IL10RA: variants seen among roughly 807,000 people sequenced by gnomAD.
IL10RA encodes interleukin-10 receptor subunit alpha.
A neutral mutation model predicts 29.6 loss-of-function variants in IL10RA; 18 were observed. That is an observed-to-expected ratio of 0.61 (90% confidence interval 0.42 to 0.90). The LOEUF (loss-of-function observed/expected upper bound fraction) is 0.90. Among genes scored for constraint, IL10RA ranks in the 40% least tolerant of loss-of-function variants. The pLI, the probability that IL10RA is intolerant of heterozygous loss-of-function variation, is 0.00. For missense variants in IL10RA, 634 were observed against 716.6 expected, an observed-to-expected ratio of 0.88 and a Z score of 1.32; for synonymous variants, 292 against 294.1, an observed-to-expected ratio of 0.99 and a Z score of 0.07.
Position 117,994,054 on chromosome 11 carries a change from T to A in IL10RA, c.593T>A (p.Val198Glu). The stretch of plus-strand genomic sequence containing the variant: ...TTCAGCCTCCTAACCTCTGGAGAAG[T>A]GGGAGAGTTCTGTGTCCAGGTGAAA... ...ENFSLLTSGE[V>E]GEFCVQVKPS... Residue 198 changes from valine to glutamate, a missense_variant, in exon 5 of 7, where the codon GTG becomes GAG. Physicochemically the swap from Val to Glu is moderately radical, Grantham distance 121. Transcript: ENST00000227752. The A allele has an allele frequency of 6.2e-7, 1 of 1,613,992 alleles. No homozygotes were observed. The highest frequency in any genetic ancestry group is 1.3e-5 in the African/African-American group (1 of 75,040).
chr11:117,988,250 C>T, intron 1 of IL10RA, 132 bp from the exon 2 acceptor site: 1 of 1,077,954 alleles, frequency 9.3e-7, no homozygotes, highest in Admixed American at 1.7e-5. Flanking sequence ...TGTGCCCACT[C>T]TGCCCCTTAC....
In IL10RA at chr11:117,993,399, G is replaced by A; in HGVS notation, c.526G>A (p.Gly176Arg). The A allele has an allele frequency of 6.2e-7, 1 of 1,614,160 alleles. No homozygotes were observed. The highest frequency in any genetic ancestry group is 8.5e-7 in the Non-Finnish European group (1 of 1,179,972). Residue 176 changes from glycine to arginine, a missense_variant, in exon 4 of 7, where the codon GGA (glycine) becomes AGA (arginine). Transcript: ENST00000227752. ...TGAGATTGCCATTCGCAAGGTGCCG[G>A]GAAACTTCACGGTATGGGGTTCCCC... ...EYEIAIRKVP[G>R]NFTFTHKKVK...
chr11:118,000,572 T>C lies in IL10RA; in HGVS notation c.*931T>C. The C allele has an allele frequency of 2.2e-6, 1 of 454,248 alleles. No homozygotes were observed. The highest frequency in any genetic ancestry group is 1.6e-5 in the South Asian group (1 of 64,476). The allele number at this position is 454,248 out of a possible 1,614,324, so 28.1% of individuals were successfully genotyped here. A position where few individuals can be genotyped will look rare whatever the true frequency, so the allele number is the denominator to read the frequency against. Reference sequence around the variant, plus strand: ...TCAGGGTTGGAGGCCTGTGCTTGTGTTTGCTGCTAATGTCCAGCTACAGAC... The same window carrying C: ...TCAGGGTTGGAGGCCTGTGCTTGTGCTTGCTGCTAATGTCCAGCTACAGAC... On this transcript the variant is annotated 3_prime_UTR_variant, in exon 7 of 7. Transcript: ENST00000227752.
chr11:117,989,351 G>C lies in IL10RA; in HGVS notation c.189-91G>C, dbSNP rs1591261491. On this transcript the variant is annotated intron_variant, in intron 2 of 6. Transcript: ENST00000227752. This position sits in a 1 kb window ranked among gnomAD's most constrained non-coding sequence, Gnocchi z 4.5. ...GGCTGTCCCAGTTTCTCCCAATGTG[G>C]GAGCTCTCTTCCTGGCCTCTTGCGT... 8.7e-7 allele frequency: 1 copy of C among 1,149,230 alleles called. No individual in the cohort carries two copies. The highest frequency in any genetic ancestry group is 2.3e-5 in the East Asian group (1 of 42,764). The allele number at this position is 1,149,230 out of a possible 1,614,324, so 71.2% of individuals were successfully genotyped here. A position where few individuals can be genotyped will look rare whatever the true frequency, so the allele number is the denominator to read the frequency against.
At chr11:117,995,806 C>G in intron 6 of IL10RA, 96 bp downstream of exon 6, 1 of 1,289,992 alleles carries the variant, frequency 7.8e-7, no homozygotes, top group Non-Finnish European at 1.1e-6. Flanking sequence ...CAGTCCATTG[C>G]CTTAGCTTGC....
intron 4 of IL10RA, 118 bp from the exon 5 acceptor site, chr11:117,993,881 T>G (rs1347722249): frequency 1.2e-6 from 1 of 803,512 alleles, no homozygotes; most frequent in Non-Finnish European, 2.1e-6. Context: ...GTTTGTCATC[T>G]TAGACAAAGG....
At chr11:118,002,785 G>A (rs1181806451), downstream of IL10RA, 1 of 152,226 alleles carries the variant, frequency 6.6e-6, no homozygotes, top group Non-Finnish European at 1.5e-5. Flanking sequence ...GAAACTGAGC[G>A]AGTCCTTCCA....
chr11:117,994,247 T>A, intron 5 of IL10RA, 98 bp downstream of exon 5: 1 of 991,638 alleles, frequency 1.0e-6, no homozygotes, highest in Non-Finnish European at 1.5e-6. Flanking sequence ...CCAGCCACTG[T>A]GTTAGGTGCT....
intron 6 of IL10RA, among the ~76,000 whole-genome samples, chr11:117,997,853 C>A (rs1375835684): frequency 6.6e-6 from 1 of 152,108 alleles, no homozygotes; most frequent in African/African-American, 2.4e-5. Context: ...TTCAGGAAGG[C>A]TTTGCTGAAG....
rs1430651149 is a variant in IL10RA at position 117,993,242 on chromosome 11, G to A, written c.369G>A (p.Val123=). 1 of 1,613,734 alleles carries A rather than the reference G, an allele frequency of 6.2e-7. No individual in the cohort carries two copies. The highest frequency in any genetic ancestry group is 8.5e-7 in the Non-Finnish European group (1 of 1,179,810). The part of the protein sequence containing the change: ...VTNTRFSVDE[V]TLTVGSVNLE... ...CCCCCCCACCCCAACTCCATTTAGT[G>A]ACTCTGACAGTTGGCAGTGTGAACC... is the stretch of plus-strand genomic sequence containing the variant. The change falls in exon 4 of 7, where the codon GTG becomes GTA. Residue 123 remains valine, a splice_region_variant and synonymous_variant. Coordinates refer to ENST00000227752, the MANE Select transcript of IL10RA (RefSeq NM_001558.4).
At chr11:117,992,896 A>G (rs1050937181) in intron 3 of IL10RA, 1 of 308,146 alleles carries the variant, frequency 3.2e-6, no homozygotes, top group Non-Finnish European at 6.2e-6. Flanking sequence ...ATCTATTTTC[A>G]TTGTTCTGTT....
At chr11:117,995,469 G>T in intron 5 of IL10RA, 120 bp from the exon 6 acceptor site, 2 of 1,314,304 alleles carry the variant, frequency 1.5e-6, no homozygotes, top group South Asian at 2.4e-5. Context: ...AGTTTGCCTT[G>T]GGCCACTCAC....
At chr11:117,993,696 C>G (rs570874663) in intron 4 of IL10RA, among the ~76,000 whole-genome samples, 11 of 152,232 alleles carry the variant, frequency 7.2e-5, no homozygotes, top group Admixed American at 1.3e-4. Context: ...AGAGGGCGCC[C>G]CTGTTATGGG....
chr11:117,993,624 T>C (rs1191714881), intron 4 of IL10RA, among the ~76,000 whole-genome samples: 1 of 152,180 alleles, frequency 6.6e-6, no homozygotes, highest in African/African-American at 2.4e-5. Flanking sequence ...ACTAGGGCAA[T>C]TGGGCACCCC....
chr11:117,993,848 T>G, intron 4 of IL10RA, 151 bp from the exon 5 acceptor site: 1 of 698,658 alleles, frequency 1.4e-6, no homozygotes, highest in Admixed American at 2.1e-5. Flanking sequence ...ACAGAGATCA[T>G]GTGCTGCATT....
Position 117,988,498 on chromosome 11 carries a change from C to A in IL10RA, c.184C>A (p.Leu62Met), listed in dbSNP as rs1446614429. 6.8e-6 allele frequency: 11 copies of A among 1,613,938 alleles called. No individual in the cohort carries two copies. The highest frequency in any genetic ancestry group is 1.6e-4 in the Middle Eastern group (1 of 6,084). ...AAGTACCTGCTATGAAGTGGCGCTC[C>A]TGAGGTGAGGAAAAGGGAAGAGGGA... ...SESTCYEVALLRYGIESWNSI... is the reference protein window; with the variant it reads ...SESTCYEVALMRYGIESWNSI... Residue 62 changes from leucine to methionine, a missense_variant, in exon 2 of 7, where the codon CTG becomes ATG. Leu to Met is a conservative substitution (Grantham distance 15). Transcript: ENST00000227752.
At chr11:117,988,281 G>A (rs891968934) in intron 1 of IL10RA, 101 bp from the exon 2 acceptor site, 17 of 1,498,720 alleles carry the variant, frequency 1.1e-5, no homozygotes, top group South Asian at 3.4e-5. Context: ...GGCCTCGGGC[G>A]AGTCATAGCC....
chr11:117,989,516 T>C lies in IL10RA; in HGVS notation c.263T>C (p.Leu88Ser). ...TCCTATGACCTTACCGCAGTGACCT[T>C]GGACCTGTACCACAGCAATGGCTAC... ...TLSYDLTAVT[L>S]DLYHSNGYRA... The change falls in exon 3 of 7, where the codon TTG becomes TCG. Residue 88 changes from leucine to serine, a missense_variant. Leu to Ser is a moderately radical substitution (Grantham distance 145). Coordinates refer to ENST00000227752, the MANE Select transcript of IL10RA (RefSeq NM_001558.4). The surrounding 1 kb of genome is among the most constrained non-coding windows in gnomAD (Gnocchi z 4.5). 6.2e-7 allele frequency: 1 copy of C among 1,614,190 alleles called. No individual in the cohort carries two copies.
intron 3 of IL10RA, among the ~76,000 whole-genome samples, chr11:117,991,801 C>G (rs527643369): frequency 6.6e-6 from 1 of 152,288 alleles, no homozygotes; most frequent in African/African-American, 2.4e-5. Context: ...ATGTCTTGAT[C>G]TCATCTCACT....
Sources: gnomAD v4.1 joint callset for allele counts (sites outside exome capture counted in the v4.1 genomes callset) on GRCh38, gnomAD v4.1.1 for gene constraint, Gnocchi (gnomAD v3.1) non-coding constraint, MANE v1.5 for transcripts, NCBI Gene and HGNC (gene_info 2026-07-23, HGNC 2026-07-21) for gene names.